The following STRN variants were observed in gnomAD, a reference collection of about 807,000 sequenced individuals.
The protein encoded by STRN is protein phosphatase 2 regulatory subunit B'''alpha.
In STRN, 53 loss-of-function variants were observed where a neutral mutation model predicts 96.3. The ratio of observed to expected loss-of-function variants is 0.55; its 90% CI spans 0.44 to 0.69. The LOEUF (loss-of-function observed/expected upper bound fraction) is 0.69. STRN is among the 30% of genes least tolerant of loss of function. The pLI is 0.00. For missense variants in STRN, 987 were observed against 963.9 expected, an observed-to-expected ratio of 1.02 and a Z score of -0.32; for synonymous variants, 428 against 355.9, an observed-to-expected ratio of 1.20 and a Z score of -2.28.
At chr2:36,880,596 A>G (rs990481801) in intron 9 of STRN, among the ~76,000 whole-genome samples, 2 of 152,226 alleles carry the variant, frequency 1.3e-5, no homozygotes, top group African/African-American at 2.4e-5. Context: ...AAAATACCAT[A>G]TATCATCCGA....
chr2:36,865,061 T>A (rs1420809240), intron 12 of STRN, among the ~76,000 whole-genome samples: 1 of 152,136 alleles, frequency 6.6e-6, no homozygotes, highest in Non-Finnish European at 1.5e-5. Context: ...ATGGCGCCAG[T>A]TGTTCTTTAT....
intron 1 of STRN, among the ~76,000 whole-genome samples, chr2:36,957,325 C>T (rs992515503): frequency 1.3e-5 from 2 of 152,198 alleles, no homozygotes; most frequent in Admixed American, 6.5e-5. Flanking sequence ...CAGTGGCTCA[C>T]GTCTGTAATT....
intron 1 of STRN, among the ~76,000 whole-genome samples, chr2:36,937,250 A>G (rs900320735): frequency 3.3e-5 from 5 of 151,588 alleles, no homozygotes; most frequent in African/African-American, 1.2e-4. Flanking sequence ...AAGCTGAGGC[A>G]GGAGAATCGC....
intron 5 of STRN, among the ~76,000 whole-genome samples, chr2:36,899,867 T>C (rs1366267155): frequency 1.3e-5 from 2 of 152,126 alleles, no homozygotes; most frequent in Non-Finnish European, 2.9e-5. Flanking sequence ...TAATCCTATC[T>C]ATCTACTTGC....
chr2:36,938,494 A>G (rs1670762961), intron 1 of STRN, among the ~76,000 whole-genome samples: 1 of 152,102 alleles, frequency 6.6e-6, no homozygotes, highest in Non-Finnish European at 1.5e-5. Flanking sequence ...TTTCAAGGGT[A>G]GTACTAGTAT....
At chr2:36,912,241 C>T (rs768410376) in intron 3 of STRN, among the ~76,000 whole-genome samples, 9 of 152,170 alleles carry the variant, frequency 5.9e-5, no homozygotes, top group Admixed American at 6.5e-5. Context: ...CACACGTGTG[C>T]GTGAGAGTGT....
chr2:36,966,209 C>G, intron 1 of STRN, 21 bp downstream of exon 1: 2 of 1,531,194 alleles, frequency 1.3e-6, no homozygotes, highest in South Asian at 1.2e-5. Flanking sequence ...ATGAAGACGG[C>G]CAGGCCGGGA....
chr2:36,917,244 G>A (rs1572672939), intron 2 of STRN, among the ~76,000 whole-genome samples: 1 of 151,458 alleles, frequency 6.6e-6, no homozygotes, highest in Admixed American at 6.6e-5. Flanking sequence ...AGTAGTGGCT[G>A]GGCACGGGGG....
rs375798314 is a variant in STRN, at chr2:36,879,417, C to CTG, written c.1187-1392_1187-1391dup. ...TTTGAACACTTTCATTAGCTGTGAA[C>CTG]TGTGCTTCAAAGATGTCAGTTTTAC... On this transcript the variant is annotated intron_variant, in intron 9 of 17. Transcript: ENST00000263918. 6.5e-3 allele frequency among the ~76,000 whole-genome samples: 990 copies of CTG among 152,322 alleles called. 15 individuals are homozygous for CTG. Among genetic ancestry groups the CTG allele is most frequent in the African/African-American group, 0.023 (944 of 41,570 alleles).
chr2:36,948,601 G>C (rs1249248793), intron 1 of STRN, among the ~76,000 whole-genome samples: 1 of 152,198 alleles, frequency 6.6e-6, no homozygotes, highest in African/African-American at 2.4e-5. Context: ...AAAGAGATGA[G>C]AGATTGTCTG....
At position 36,846,410 on chromosome 2, in the gene STRN, TATATATATATATATATATAG is replaced by T. The variant is rs1247754957; in HGVS notation, c.*3026_*3045del. The stretch of plus-strand genomic sequence containing the variant: ...GTTTATATATATATATATATATATA[TATATATATATATATATATAG>T]TTTATATATTATATATATTCTTACA... On this transcript the variant is annotated 3_prime_UTR_variant, in exon 18 of 18. Coordinates refer to ENST00000263918, the MANE Select transcript of STRN (RefSeq NM_003162.4). 7.5e-6 allele frequency: 1 copy of T among 132,484 alleles called. No individual in the cohort carries two copies. The highest frequency in any genetic ancestry group is 2.9e-5 in the African/African-American group (1 of 34,558). The allele number at this position is 132,484 out of a possible 1,614,324, so 8.2% of individuals were successfully genotyped here. A position where few individuals can be genotyped will look rare whatever the true frequency, so the allele number is the denominator to read the frequency against.
chr2:36,904,040 T>C (rs528637862), intron 4 of STRN, among the ~76,000 whole-genome samples: 1 of 152,322 alleles, frequency 6.6e-6, no homozygotes, highest in African/African-American at 2.4e-5. Flanking sequence ...AAGAGTTGAT[T>C]ATGGGTCCTT....
intron 1 of STRN, among the ~76,000 whole-genome samples, chr2:36,928,561 A>T (rs1379723595): frequency 6.6e-6 from 1 of 151,802 alleles, no homozygotes; most frequent in Non-Finnish European, 1.5e-5. Flanking sequence ...CTGAGACAGA[A>T]GAATCACTCA....
At chr2:36,943,084 T>A (rs1339864487) in intron 1 of STRN, among the ~76,000 whole-genome samples, 1 of 152,128 alleles carries the variant, frequency 6.6e-6, no homozygotes, top group Non-Finnish European at 1.5e-5. Context: ...CATATATTAC[T>A]GCCCTACCAA....
In STRN at chr2:36,843,197, C is replaced by G. The variant is rs1350928421; in HGVS notation, c.*6259G>C. Among the ~76,000 whole-genome samples, 2 of 152,118 alleles carry G rather than the reference C, an allele frequency of 1.3e-5. No homozygotes were observed. The highest frequency in any genetic ancestry group is 1.3e-4 in the Admixed American group (2 of 15,266). On this transcript the variant is annotated 3_prime_UTR_variant, in exon 18 of 18. Transcript: ENST00000263918. ...TGTACATACCAAAGGATATAATACT[C>G]ATTAGTATACCAGCATACAGAACAC...
rs1558618434 is a variant in STRN at position 36,847,713 on chromosome 2, G to C, written c.*1743C>G. The C allele has an allele frequency of 6.6e-6, 1 of 152,110 alleles. No homozygotes were observed. Among genetic ancestry groups the C allele is most frequent in the Non-Finnish European group, 1.5e-5 (1 of 68,012 alleles). The allele number at this position is 152,110 out of a possible 1,614,324, so 9.4% of individuals were successfully genotyped here. A position where few individuals can be genotyped will look rare whatever the true frequency, so the allele number is the denominator to read the frequency against. On this transcript the variant is annotated 3_prime_UTR_variant, in exon 18 of 18. Coordinates refer to ENST00000263918, the MANE Select transcript of STRN (RefSeq NM_003162.4). ...AAAGAAAATTTGCCTGTATAATGCA[G>C]AATTCTAGAGGCAAACAGGCAGAAA...
chr2:36,879,942 C>T (rs908476982), intron 9 of STRN, among the ~76,000 whole-genome samples: 2 of 150,530 alleles, frequency 1.3e-5, no homozygotes, highest in East Asian at 2.0e-4. Flanking sequence ...CCAGCCTGGG[C>T]GACAGGGCAA....
At chr2:36,958,837 T>C (rs918201557) in intron 1 of STRN, among the ~76,000 whole-genome samples, 8 of 152,070 alleles carry the variant, frequency 5.3e-5, no homozygotes, top group Non-Finnish European at 8.8e-5. Flanking sequence ...AAAAGAAATA[T>C]AGGCTGGGTG....
chr2:36,915,232 AATATAT>A (rs72466696), intron 3 of STRN, among the ~76,000 whole-genome samples: 4,566 of 86,300 alleles, frequency 0.053, 149 homozygotes, highest in African/African-American at 0.067. Context: ...TGAATACATA[AATATAT>A]ATATATATAT....
Sources: gnomAD v4.1 joint callset for allele counts (sites outside exome capture counted in the v4.1 genomes callset) on GRCh38, gnomAD v4.1.1 for gene constraint, MANE v1.5 for transcripts, NCBI Gene and HGNC (gene_info 2026-07-23, HGNC 2026-07-21) for gene names.